Variants in ETF1 observed in about 807,000 individuals in gnomAD.
ETF1 encodes eukaryotic translation termination factor 1, also known as eukaryotic peptide chain release factor subunit 1.
In ETF1, 4 loss-of-function variants were observed where a neutral mutation model predicts 55.1. That is an observed-to-expected ratio of 0.07 (90% confidence interval 0.04 to 0.17). The LOEUF is 0.17. Ranked by LOEUF, ETF1 falls within the 10% of genes least tolerant of loss-of-function variation. ETF1 has a pLI of 1.00. For missense variants in ETF1, 142 were observed against 523.6 expected (o/e 0.27, Z 7.11); for synonymous variants, 157 against 182.3 (o/e 0.86, Z 1.12).
intron 2 of ETF1, among the ~76,000 whole-genome samples, chr5:138,530,148 A>G (rs1238935026): frequency 1.3e-5 from 2 of 151,808 alleles, no homozygotes; most frequent in Non-Finnish European, 3.0e-5. Flanking sequence ...TTTCTAAAGA[A>G]GCAAAATAAA....
At chr5:138,517,052 G>C (rs983678968) in intron 4 of ETF1, among the ~76,000 whole-genome samples, 3 of 152,144 alleles carry the variant, frequency 2.0e-5, no homozygotes, top group Non-Finnish European at 4.4e-5. Context: ...GTCACAAAAG[G>C]CCACAAACTA....
intron 2 of ETF1, among the ~76,000 whole-genome samples, chr5:138,519,847 GT>G (rs1361868287): frequency 3.3e-5 from 5 of 151,988 alleles, no homozygotes; most frequent in African/African-American, 4.8e-5. Context: ...GAAGATTTTG[GT>G]TTTTTAACTT....
intron 2 of ETF1, among the ~76,000 whole-genome samples, chr5:138,526,737 G>T (rs536279840): frequency 1.8e-4 from 27 of 151,874 alleles, no homozygotes; most frequent in African/African-American, 6.5e-4. Flanking sequence ...GTCTCGCTCT[G>T]CTGCCCAGGC....
Position 138,538,719 on chromosome 5 carries a change from C to T in ETF1, c.86+4114G>A, listed in dbSNP as rs143468319. On this transcript the variant is annotated intron_variant, in intron 2 of 10. Coordinates refer to ENST00000360541, the MANE Select transcript of ETF1 (RefSeq NM_004730.4). ...CAGTGCTTTGAGAATATTATTTCCACCACCATTTAGGTGAATATTCTATTA... is the reference window on the plus strand; with the variant it reads ...CAGTGCTTTGAGAATATTATTTCCATCACCATTTAGGTGAATATTCTATTA... Among the ~76,000 whole-genome samples, 857 of 152,066 alleles carry T rather than the reference C, an allele frequency of 5.6e-3. 7 individuals carry two copies. The highest frequency in any genetic ancestry group is 0.019 in the African/African-American group (799 of 41,462).
At chr5:138,518,603 A>G in intron 3 of ETF1, 89 bp downstream of exon 3, 1 of 1,083,808 alleles carries the variant, frequency 9.2e-7, no homozygotes, top group Non-Finnish European at 1.3e-6. Flanking sequence ...ACTTAAGGGA[A>G]CATTAGTGAA....
chr5:138,533,685 A>AAAAAC (rs1765799677), intron 2 of ETF1, among the ~76,000 whole-genome samples: 1 of 152,322 alleles, frequency 6.6e-6, no homozygotes, highest in East Asian at 1.9e-4. Context: ...ACTCCACCTC[A>AAAAAC]AAAACAAAAC....
chr5:138,523,291 C>T lies in ETF1; in HGVS notation c.87-4424G>A, dbSNP rs551281720. On this transcript the variant is annotated intron_variant, in intron 2 of 10. Transcript: ENST00000360541. ...GTGAGGCAGGAGAATCGCTTGAACC[C>T]GGGAGGCGGAGGTTGCAATGAGCCG... 8.5e-5 allele frequency among the ~76,000 whole-genome samples: 13 copies of T among 152,232 alleles called. No individual in the cohort carries two copies. The South Asian group carries it at 2.3e-3, about 27-fold the overall frequency.
chr5:138,516,548 C>A (rs1765027134), intron 4 of ETF1, among the ~76,000 whole-genome samples: 1 of 152,120 alleles, frequency 6.6e-6, no homozygotes, highest in Admixed American at 6.5e-5. Context: ...GCTTGAGGCA[C>A]AAGAATCGCT....
chr5:138,525,673 C>T (rs1231697857), intron 2 of ETF1, among the ~76,000 whole-genome samples: 1 of 152,014 alleles, frequency 6.6e-6, no homozygotes, highest in East Asian at 1.9e-4. Context: ...TGGCCAGGCG[C>T]GGTAGCTCAT....
At chr5:138,536,249 T>C (rs967597565) in intron 2 of ETF1, among the ~76,000 whole-genome samples, 2 of 152,168 alleles carry the variant, frequency 1.3e-5, no homozygotes, top group Non-Finnish European at 2.9e-5. Flanking sequence ...AAAGGAGATC[T>C]TAGAAGAACA....
intron 2 of ETF1, among the ~76,000 whole-genome samples, chr5:138,534,062 G>C (rs1447854948): frequency 6.6e-6 from 1 of 152,146 alleles, no homozygotes. Context: ...ATTGACCTTA[G>C]AGTCAGATGC....
At chr5:138,528,912 C>T (rs1161421807) in intron 2 of ETF1, among the ~76,000 whole-genome samples, 1 of 151,930 alleles carries the variant, frequency 6.6e-6, no homozygotes. Context: ...TTTGGGAAGC[C>T]GAGACAGGTG....
chr5:138,532,674 C>CT (rs1765752120), intron 2 of ETF1, among the ~76,000 whole-genome samples: 1 of 152,128 alleles, frequency 6.6e-6, no homozygotes, highest in African/African-American at 2.4e-5. Flanking sequence ...TGATGGTCAC[C>CT]TTTACGGGAT....
intron 2 of ETF1, among the ~76,000 whole-genome samples, chr5:138,525,086 G>C (rs1321845387): frequency 3.3e-5 from 5 of 151,848 alleles, no homozygotes. Context: ...CCGAGAAGTA[G>C]TAATTTGTGT....
At chr5:138,510,533 C>T (rs144420280) in intron 9 of ETF1, 32 bp downstream of exon 9, 244 of 1,527,320 alleles carry the variant, frequency 1.6e-4, no homozygotes, top group Non-Finnish European at 2.1e-4. Context: ...TACGCTTGCA[C>T]GTATCATCAA....
At chr5:138,512,070 C>T (rs1025923098) in intron 6 of ETF1, 1 of 158,744 alleles carries the variant, frequency 6.3e-6, no homozygotes, top group Non-Finnish European at 1.3e-5. Context: ...CATGGTGACA[C>T]ATCCCTGTAG....
At position 138,511,517 on chromosome 5, in the gene ETF1, C is replaced by G. The variant is rs1764785761; in HGVS notation, c.820G>C (p.Val274Leu). The G allele has an allele frequency of 1.9e-6, 3 of 1,613,610 alleles. No homozygotes were observed. Among genetic ancestry groups the G allele is most frequent in the Non-Finnish European group, 1.7e-6 (2 of 1,179,878 alleles). ...FNQAIELSTE[V>L]LSNVKFIQEK... ...TGAATGAATTTCACGTTGGAGAGGACTTCAGTAGATAACTCAATAGCTTGG... is the reference window on the plus strand; with the variant it reads ...TGAATGAATTTCACGTTGGAGAGGAGTTCAGTAGATAACTCAATAGCTTGG... The change falls in exon 7 of 11, where the codon GTC becomes CTC. Residue 274 changes from valine (V) to leucine (L), a missense_variant. Coordinates refer to ENST00000360541, the MANE Select transcript of ETF1 (RefSeq NM_004730.4).
At chr5:138,530,431 C>A (rs773848588) in intron 2 of ETF1, among the ~76,000 whole-genome samples, 1 of 151,738 alleles carries the variant, frequency 6.6e-6, no homozygotes, top group African/African-American at 2.4e-5. Flanking sequence ...GCGCCCACTA[C>A]CACGCCCAGC....
chr5:138,510,854 C>T, intron 8 of ETF1, 191 bp downstream of exon 8: 1 of 825,844 alleles, frequency 1.2e-6, no homozygotes, highest in Non-Finnish European at 1.5e-6. Flanking sequence ...GCAGATGTAA[C>T]AATCTTAAGC....
Sources: allele counts gnomAD v4.1 joint callset (sites outside exome capture counted in the v4.1 genomes callset), GRCh38; gene constraint gnomAD v4.1.1; transcripts MANE v1.5; gene names NCBI Gene and HGNC (gene_info 2026-07-23, HGNC 2026-07-21).